GPC5: variants seen among roughly 807,000 people sequenced by gnomAD.
GPC5 encodes glypican 5.
In GPC5, 47 loss-of-function variants were observed where a neutral mutation model predicts 53.9. The ratio of observed to expected loss-of-function variants is 0.87; its 90% CI spans 0.69 to 1.11. The LOEUF (loss-of-function observed/expected upper bound fraction) is 1.11. GPC5 is among the 50% of genes most tolerant of loss of function. The probability of loss-of-function intolerance (pLI) is 0.00; values close to 1 mark genes in which losing one functional copy is unlikely to be tolerated. For missense variants in GPC5, 748 were observed against 713.1 expected, an observed-to-expected ratio of 1.05 and a Z score of -0.56; for synonymous variants, 286 against 263.3, an observed-to-expected ratio of 1.09 and a Z score of -0.84.
intron 7 of GPC5, among the ~76,000 whole-genome samples, chr13:92,643,118 A>G (rs1193626412): frequency 1.3e-5 from 2 of 151,962 alleles, no homozygotes; most frequent in Non-Finnish European, 2.9e-5. Flanking sequence ...TAGATTCTGG[A>G]TATTAGCCCT....
At chr13:91,504,005 A>G (rs896239964) in intron 2 of GPC5, among the ~76,000 whole-genome samples, 1 of 151,878 alleles carries the variant, frequency 6.6e-6, no homozygotes, top group Non-Finnish European at 1.5e-5. Flanking sequence ...GATTTATTTC[A>G]AGATCTCCAG....
chr13:92,493,258 G>A lies in GPC5; in HGVS notation c.1561+348269G>A, dbSNP rs79266413. On this transcript the variant is annotated intron_variant, in intron 7 of 7. Coordinates refer to ENST00000377067, the MANE Select transcript of GPC5 (RefSeq NM_004466.6). ...TAAAGAGGGACAAGCATTAAATATT[G>A]TACATTAATTTATATACATTGACAG... is the stretch of plus-strand genomic sequence containing the variant. Among the ~76,000 whole-genome samples the A allele has an allele frequency of 4.4e-3, 676 of 152,234 alleles. 6 individuals carry two copies. Among genetic ancestry groups the A allele is most frequent in the African/African-American group, 0.015 (622 of 41,548 alleles).
At chr13:92,277,288 G>A (rs555878955) in intron 7 of GPC5, among the ~76,000 whole-genome samples, 1 of 152,108 alleles carries the variant, frequency 6.6e-6, no homozygotes, top group South Asian at 2.1e-4. Flanking sequence ...ATTGTGCTGA[G>A]GTTTCTGGGG....
chr13:91,644,907 A>G (rs767325406), intron 2 of GPC5, among the ~76,000 whole-genome samples: 23 of 152,342 alleles, frequency 1.5e-4, no homozygotes, highest in Non-Finnish European at 2.8e-4. Flanking sequence ...TAACTTAAAG[A>G]CTGTTACTCA....
At chr13:92,710,420 A>G (rs952032579) in intron 7 of GPC5, among the ~76,000 whole-genome samples, 2 of 152,256 alleles carry the variant, frequency 1.3e-5, no homozygotes, top group Non-Finnish European at 2.9e-5. Flanking sequence ...TAAAAAGTAC[A>G]TGATGTTATC....
At chr13:91,821,945 C>T (rs1021852201) in intron 5 of GPC5, among the ~76,000 whole-genome samples, 6 of 152,106 alleles carry the variant, frequency 3.9e-5, no homozygotes, top group South Asian at 2.1e-4. Flanking sequence ...CAAAATAGAA[C>T]GTATTTTTAA....
At chr13:92,395,416 A>G (rs1001874789) in intron 7 of GPC5, among the ~76,000 whole-genome samples, 1 of 152,072 alleles carries the variant, frequency 6.6e-6, no homozygotes, top group African/African-American at 2.4e-5. Flanking sequence ...CCCTTATAGC[A>G]CTGTTGTCAT....
chr13:92,499,346 T>C (rs1880099890), intron 7 of GPC5, among the ~76,000 whole-genome samples: 1 of 152,168 alleles, frequency 6.6e-6, no homozygotes, highest in African/African-American at 2.4e-5. Flanking sequence ...TACTGATGAA[T>C]GATCTCAGAA....
intron 2 of GPC5, among the ~76,000 whole-genome samples, chr13:91,687,630 C>T (rs2035651023): frequency 6.6e-6 from 1 of 151,928 alleles, no homozygotes; most frequent in Non-Finnish European, 1.5e-5. Context: ...TTAATTCGAT[C>T]TACCACTCAG....
intron 5 of GPC5, among the ~76,000 whole-genome samples, chr13:91,831,620 A>T (rs1253543847): frequency 3.9e-5 from 6 of 152,022 alleles, no homozygotes; most frequent in African/African-American, 1.4e-4. Flanking sequence ...ATTGCTAATT[A>T]TATAGTGTTG....
rs190820256 is a variant in GPC5 at position 92,398,908 on chromosome 13, C to G, written c.1561+253919C>G. Among the ~76,000 whole-genome samples the G allele has an allele frequency of 1.4e-3, 209 of 152,250 alleles. 2 individuals carry two copies. Among genetic ancestry groups the G allele is most frequent in the Non-Finnish European group, 2.6e-3 (174 of 68,010 alleles). ...TGCTATAATCTCTCTTTCTCTCCCC[C>G]ACCTTTCCATCCTAACCTAGATCCT... On this transcript the variant is annotated intron_variant, in intron 7 of 7. Coordinates refer to ENST00000377067, the MANE Select transcript of GPC5 (RefSeq NM_004466.6).
At chr13:92,519,800 G>C (rs546035000) in intron 7 of GPC5, among the ~76,000 whole-genome samples, 85 of 152,264 alleles carry the variant, frequency 5.6e-4, no homozygotes, top group African/African-American at 2.0e-3. Context: ...GAAGGAGATA[G>C]AGACACAAAA....
intron 5 of GPC5, among the ~76,000 whole-genome samples, chr13:91,774,818 A>G (rs957814855): frequency 6.6e-6 from 1 of 152,150 alleles, no homozygotes; most frequent in Non-Finnish European, 1.5e-5. Flanking sequence ...GGATCAGAGG[A>G]GACTTGACTC....
intron 7 of GPC5, among the ~76,000 whole-genome samples, chr13:92,809,867 T>C (rs752157997): frequency 2.0e-5 from 3 of 152,082 alleles, no homozygotes; most frequent in Non-Finnish European, 4.4e-5. Flanking sequence ...TTTCCTTGCA[T>C]AAACGATGAC....
chr13:91,921,538 TGAC>T (rs2039714717), intron 6 of GPC5, among the ~76,000 whole-genome samples: 1 of 152,242 alleles, frequency 6.6e-6, no homozygotes, highest in South Asian at 2.1e-4. Flanking sequence ...ATAGATACTA[TGAC>T]AATTATAAAT....
At chr13:92,240,028 G>T (rs1405102061) in intron 7 of GPC5, 1 of 151,744 alleles carries the variant, frequency 6.6e-6, no homozygotes, top group Non-Finnish European at 1.5e-5. Flanking sequence ...ATTCCTTCTA[G>T]CTTTTTTATA....
At chr13:91,780,157 A>G (rs2037776452) in intron 5 of GPC5, among the ~76,000 whole-genome samples, 1 of 152,182 alleles carries the variant, frequency 6.6e-6, no homozygotes, top group Non-Finnish European at 1.5e-5. Context: ...CTGTATTGTA[A>G]TCTTACGGGA....
intron 5 of GPC5, among the ~76,000 whole-genome samples, chr13:91,861,381 A>G (rs2039026184): frequency 6.6e-6 from 1 of 152,114 alleles, no homozygotes; most frequent in Admixed American, 6.5e-5. Context: ...TTCATGAATT[A>G]TGAGGCTTTA....
chr13:92,699,738 T>C (rs9561119), intron 7 of GPC5, among the ~76,000 whole-genome samples: 19,231 of 152,176 alleles, frequency 0.13, 1,874 homozygotes, highest in East Asian at 0.4. Flanking sequence ...TTGTGCAATT[T>C]TGAGTGAGTT....
Sources: gnomAD v4.1 joint callset for allele counts (sites outside exome capture counted in the v4.1 genomes callset) on GRCh38, gnomAD v4.1.1 for gene constraint, MANE v1.5 for transcripts, NCBI Gene and HGNC (gene_info 2026-07-23, HGNC 2026-07-21) for gene names.